The following TTC7A variants were observed in gnomAD, a reference collection of about 807,000 sequenced individuals.
TTC7A encodes the protein tetratricopeptide repeat domain 7A.
Under a neutral mutation model 103.7 loss-of-function variants are expected in TTC7A, and 110 were observed. The ratio of observed to expected loss-of-function variants is 1.06; its 90% CI spans 0.91 to 1.24. The LOEUF is 1.24. TTC7A is among the 50% of genes most tolerant of loss of function. The probability of loss-of-function intolerance (pLI) is 0.00; values close to 1 mark genes in which losing one functional copy is unlikely to be tolerated. For missense variants in TTC7A, 1,340 were observed against 1,116.3 expected, an observed-to-expected ratio of 1.20 and a Z score of -2.86; for synonymous variants, 521 against 467.9, an observed-to-expected ratio of 1.11 and a Z score of -1.47.
At chr2:46,921,678 A>T (rs1669109966) in intron 2 of TTC7A, among the ~76,000 whole-genome samples, 1 of 152,244 alleles carries the variant, frequency 6.6e-6, no homozygotes, top group African/African-American at 2.4e-5. Flanking sequence ...ACCAGGGACC[A>T]GTTTCATGGA....
At chr2:46,926,096 C>T (rs1012128261) in intron 2 of TTC7A, among the ~76,000 whole-genome samples, 2 of 152,170 alleles carry the variant, frequency 1.3e-5, no homozygotes, top group African/African-American at 2.4e-5. Flanking sequence ...CCACCCTGCC[C>T]CCTCATCAGT....
intron 8 of TTC7A, 103 bp downstream of exon 8, chr2:46,995,302 C>T: frequency 8.9e-7 from 1 of 1,122,820 alleles, no homozygotes; most frequent in Non-Finnish European, 1.3e-6. Context: ...CAAACTCTGT[C>T]TCCCAGGGAT....
At chr2:47,071,944 C>T (rs1223223597) in intron 19 of TTC7A, among the ~76,000 whole-genome samples, 1 of 152,250 alleles carries the variant, frequency 6.6e-6, no homozygotes, top group Non-Finnish European at 1.5e-5. Context: ...CCGGCCTTTC[C>T]CTTCTGTCCT....
intron 2 of TTC7A, among the ~76,000 whole-genome samples, chr2:46,932,153 CTTT>C (rs1173541336): frequency 2.1e-5 from 3 of 144,100 alleles, no homozygotes; most frequent in Non-Finnish European, 1.5e-5. Context: ...TTCTGGGATT[CTTT>C]TTTTTTTTTT....
intron 2 of TTC7A, among the ~76,000 whole-genome samples, chr2:46,927,195 C>G (rs942784976): frequency 1.3e-5 from 2 of 151,346 alleles, no homozygotes; most frequent in Non-Finnish European, 2.9e-5. Context: ...GAGATAATAT[C>G]TAAAAATTTT....
At chr2:47,008,235 C>T (rs780403988) in intron 10 of TTC7A, among the ~76,000 whole-genome samples, 1 of 152,180 alleles carries the variant, frequency 6.6e-6, no homozygotes, top group Non-Finnish European at 1.5e-5. Context: ...AGCAGTGGTT[C>T]GCACCCTTCT....
intron 5 of TTC7A, among the ~76,000 whole-genome samples, chr2:46,988,002 A>G (rs1675215320): frequency 6.6e-6 from 1 of 152,108 alleles, no homozygotes. Context: ...CTAGGGGAGG[A>G]CAGGAGTCAG....
At chr2:46,968,937 T>G (rs1461042696) in intron 3 of TTC7A, among the ~76,000 whole-genome samples, 39 of 148,108 alleles carry the variant, frequency 2.6e-4, no homozygotes, top group African/African-American at 7.9e-4. Flanking sequence ...TTTTTGTGTT[T>G]TTTTTTTTTT....
At chr2:47,029,197 G>T (rs769084567) in intron 14 of TTC7A, 27 bp from the exon 15 acceptor site, 1 of 1,612,056 alleles carries the variant, frequency 6.2e-7, no homozygotes, top group East Asian at 2.2e-5. Flanking sequence ...GCCTGGGGAA[G>T]GCTAACCTGG....
intron 12 of TTC7A, among the ~76,000 whole-genome samples, chr2:47,022,709 C>T (rs1026649834): frequency 4.6e-5 from 7 of 152,168 alleles, no homozygotes; most frequent in African/African-American, 1.4e-4. Flanking sequence ...TATAAATGAG[C>T]CCTGTATAAG....
intron 18 of TTC7A, among the ~76,000 whole-genome samples, chr2:47,059,848 T>C (rs1037134151): frequency 6.6e-6 from 1 of 152,084 alleles, no homozygotes; most frequent in Non-Finnish European, 1.5e-5. Context: ...TTTTTGCCCC[T>C]CTAAAGTGGG....
At chr2:47,034,780 T>A (rs1338734818) in intron 15 of TTC7A, among the ~76,000 whole-genome samples, 1 of 152,140 alleles carries the variant, frequency 6.6e-6, no homozygotes, top group Admixed American at 6.5e-5. Flanking sequence ...GGGTAGGCCC[T>A]CTTGGGAGTT....
At chr2:46,925,648 C>T (rs564943659) in intron 2 of TTC7A, among the ~76,000 whole-genome samples, 1 of 152,296 alleles carries the variant, frequency 6.6e-6, no homozygotes, top group Non-Finnish European at 1.5e-5. Context: ...AGGCAATTCA[C>T]AAACCAGTTC....
chr2:47,011,436 G>GT lies in TTC7A; in HGVS notation c.1392+2dup. On this transcript the variant is annotated splice_donor_variant, in intron 11 of 19. Coordinates refer to ENST00000319190, the MANE Select transcript of TTC7A (RefSeq NM_020458.4). LOFTEE classifies it high-confidence loss of function. ...GGTCTGCATCGGGTCCCTTCGCTGG[G>GT]TGAGTGAGCTGTGAGGGCAGGTCCC... The GT allele has an allele frequency of 6.2e-7, 1 of 1,603,624 alleles. No individual in the cohort carries two copies. Among genetic ancestry groups the GT allele is most frequent in the Non-Finnish European group, 8.5e-7 (1 of 1,178,894 alleles).
intron 11 of TTC7A, among the ~76,000 whole-genome samples, chr2:47,019,642 G>A (rs1285271882): frequency 6.6e-6 from 1 of 152,150 alleles, no homozygotes; most frequent in Non-Finnish European, 1.5e-5. Context: ...AGAATATGAT[G>A]TATATGAACT....
chr2:46,966,911 T>C (rs1672907076), intron 3 of TTC7A, among the ~76,000 whole-genome samples: 1 of 151,582 alleles, frequency 6.6e-6, no homozygotes, highest in African/African-American at 2.4e-5. Context: ...TTTTTTTTTT[T>C]TCCGTTAAAA....
intron 2 of TTC7A, among the ~76,000 whole-genome samples, chr2:46,933,110 A>G (rs1669798334): frequency 6.6e-6 from 1 of 152,182 alleles, no homozygotes; most frequent in Non-Finnish European, 1.5e-5. Context: ...GAGAACCAGC[A>G]CTGGGCAAGA....
intron 3 of TTC7A, among the ~76,000 whole-genome samples, chr2:46,958,871 C>T (rs968998635): frequency 1.3e-5 from 2 of 152,316 alleles, no homozygotes; most frequent in South Asian, 4.1e-4. Context: ...GGTCCTGACT[C>T]CGTCTGTGAG....
intron 2 of TTC7A, among the ~76,000 whole-genome samples, chr2:46,954,150 C>A (rs1465842224): frequency 6.6e-6 from 1 of 152,186 alleles, no homozygotes; most frequent in Non-Finnish European, 1.5e-5. Flanking sequence ...TTTTATAGTT[C>A]CCACGTTAGT....
Sources: gnomAD v4.1 joint callset for allele counts (sites outside exome capture counted in the v4.1 genomes callset) on GRCh38, gnomAD v4.1.1 for gene constraint, MANE v1.5 for transcripts, NCBI Gene and HGNC (gene_info 2026-07-23, HGNC 2026-07-21) for gene names.